Variants in CNTNAP5 observed in about 807,000 individuals in gnomAD.
CNTNAP5 encodes the protein contactin associated protein family member 5.
CNTNAP5 carries 72 observed loss-of-function variants against 150.2 expected under a neutral mutation model. The observed-to-expected ratio is 0.48, with a 90% CI of 0.40 to 0.58. The LOEUF is 0.58. CNTNAP5 is among the 20% of genes least tolerant of loss of function. CNTNAP5 has a pLI of 0.00. For synonymous variants in CNTNAP5, 672 were observed against 619.8 expected (o/e 1.08, Z -1.25); for missense variants, 1,636 against 1,626.2 (o/e 1.01, Z -0.10).
intron 12 of CNTNAP5, among the ~76,000 whole-genome samples, chr2:124,640,483 C>G (rs1678068188): frequency 1.3e-5 from 2 of 152,128 alleles, no homozygotes; most frequent in Non-Finnish European, 2.9e-5. Context: ...ATGCGCACAC[C>G]TCCAAACAGC....
At chr2:124,112,268 C>T (rs1407104602) in intron 1 of CNTNAP5, among the ~76,000 whole-genome samples, 1 of 152,206 alleles carries the variant, frequency 6.6e-6, no homozygotes, top group Non-Finnish European at 1.5e-5. Context: ...ATACTTCCCT[C>T]AGGTTCCCCC....
intron 3 of CNTNAP5, among the ~76,000 whole-genome samples, chr2:124,261,247 A>G (rs1170598): frequency 0.33 from 50,627 of 151,916 alleles, 8,816 homozygotes; most frequent in Admixed American, 0.41. Context: ...AAATATAGAG[A>G]TATCTAAAAA....
chr2:124,782,442 G>T (rs1310074212), intron 17 of CNTNAP5, among the ~76,000 whole-genome samples: 1 of 152,166 alleles, frequency 6.6e-6, no homozygotes, highest in East Asian at 1.9e-4. Context: ...GTACTAGAAG[G>T]TCATGTGGAC....
intron 3 of CNTNAP5, among the ~76,000 whole-genome samples, chr2:124,403,039 T>C (rs1691470140): frequency 6.6e-6 from 1 of 152,244 alleles, no homozygotes; most frequent in African/African-American, 2.4e-5. Context: ...TTTGCCTTAT[T>C]AAATGTATCT....
At chr2:124,832,367 C>T (rs1485137301) in intron 19 of CNTNAP5, among the ~76,000 whole-genome samples, 1 of 151,994 alleles carries the variant, frequency 6.6e-6, no homozygotes, top group Non-Finnish European at 1.5e-5. Context: ...TATGCAAACA[C>T]TTCTCAACAT....
chr2:124,261,344 G>C (rs953268670), intron 3 of CNTNAP5, among the ~76,000 whole-genome samples: 2 of 152,118 alleles, frequency 1.3e-5, no homozygotes, highest in Non-Finnish European at 2.9e-5. Context: ...AGAATTCATT[G>C]TCTCAGGAGT....
intron 6 of CNTNAP5, among the ~76,000 whole-genome samples, chr2:124,468,938 G>A (rs1693442685): frequency 6.6e-6 from 1 of 152,184 alleles, no homozygotes; most frequent in African/African-American, 2.4e-5. Flanking sequence ...TTTGCTCTGG[G>A]ATCATGCTGA....
intron 2 of CNTNAP5, among the ~76,000 whole-genome samples, chr2:124,228,655 A>G (rs916842409): frequency 5.3e-5 from 8 of 152,176 alleles, no homozygotes; most frequent in Admixed American, 2.6e-4. Context: ...CCAGGAGGAT[A>G]CTGAAAGATC....
chr2:124,441,553 A>G (rs1199825046), intron 5 of CNTNAP5, among the ~76,000 whole-genome samples: 1 of 152,016 alleles, frequency 6.6e-6, no homozygotes, highest in Non-Finnish European at 1.5e-5. Context: ...ATTAAATATT[A>G]CTTTTAATTT....
intron 1 of CNTNAP5, among the ~76,000 whole-genome samples, chr2:124,199,567 C>T (rs1685670313): frequency 1.3e-5 from 2 of 151,984 alleles, no homozygotes; most frequent in African/African-American, 2.4e-5. Context: ...AGGCATGTGC[C>T]ACCACACCCA....
At chr2:124,821,725 G>T (rs958723903) in intron 19 of CNTNAP5, among the ~76,000 whole-genome samples, 47 of 152,282 alleles carry the variant, frequency 3.1e-4, no homozygotes, top group African/African-American at 1.1e-3. Flanking sequence ...AGCTCTCCAA[G>T]TGTGATCCCT....
intron 10 of CNTNAP5, among the ~76,000 whole-genome samples, chr2:124,528,291 A>G (rs1439182605): frequency 6.6e-6 from 1 of 152,182 alleles, no homozygotes; most frequent in African/African-American, 2.4e-5. Context: ...TAGATAAATG[A>G]CCAAGAAATG....
intron 12 of CNTNAP5, among the ~76,000 whole-genome samples, chr2:124,610,461 A>G (rs1677355396): frequency 6.6e-6 from 1 of 152,206 alleles, no homozygotes; most frequent in African/African-American, 2.4e-5. Flanking sequence ...TTGTTCTTAG[A>G]TGCCTAACCA....
intron 8 of CNTNAP5, among the ~76,000 whole-genome samples, chr2:124,515,034 C>A (rs566422359): frequency 6.6e-6 from 1 of 152,206 alleles, no homozygotes; most frequent in South Asian, 2.1e-4. Flanking sequence ...GAGTTCCTAA[C>A]AGACCCTAGC....
intron 1 of CNTNAP5, among the ~76,000 whole-genome samples, chr2:124,167,086 A>T (rs1684823923): frequency 1.3e-5 from 2 of 152,092 alleles, no homozygotes; most frequent in African/African-American, 4.8e-5. Flanking sequence ...CAACTTAACA[A>T]ATTCTCTTCT....
intron 1 of CNTNAP5, among the ~76,000 whole-genome samples, chr2:124,070,396 GA>G (rs70996039): frequency 0.26 from 19,133 of 72,704 alleles, 1,490 homozygotes; most frequent in Admixed American, 0.33. Context: ...GCTGAATGGG[GA>G]AAAAAAAAAA....
intron 1 of CNTNAP5, among the ~76,000 whole-genome samples, chr2:124,112,030 G>A (rs888528038): frequency 6.6e-6 from 1 of 152,154 alleles, no homozygotes; most frequent in African/African-American, 2.4e-5. Context: ...CTGGAATCTT[G>A]TGCTGCTCAG....
intron 2 of CNTNAP5, among the ~76,000 whole-genome samples, chr2:124,236,387 C>T (rs1039127154): frequency 6.6e-6 from 1 of 152,182 alleles, no homozygotes; most frequent in Non-Finnish European, 1.5e-5. Context: ...AGAAAGATTA[C>T]GCCCAGGGTT....
intron 3 of CNTNAP5, among the ~76,000 whole-genome samples, chr2:124,294,084 A>T (rs914111173): frequency 6.6e-6 from 1 of 152,146 alleles, no homozygotes; most frequent in African/African-American, 2.4e-5. Context: ...GGTGTCTTGT[A>T]TTAAATTGGG....
Sources: allele counts gnomAD v4.1 joint callset (sites outside exome capture counted in the v4.1 genomes callset), GRCh38; gene constraint gnomAD v4.1.1; transcripts MANE v1.5; gene names NCBI Gene and HGNC (gene_info 2026-07-23, HGNC 2026-07-21).